FBXO34: variants seen among roughly 807,000 people sequenced by gnomAD.
FBXO34 encodes the protein F-box only protein 34.
Under a neutral mutation model 24.5 loss-of-function variants are expected in FBXO34, and 12 were observed. That is an observed-to-expected ratio of 0.49 (90% CI 0.31 to 0.79). The LOEUF is 0.79. FBXO34 is among the 30% of genes least tolerant of loss of function. The pLI is 0.04. For missense variants in FBXO34, 823 were observed against 857.7 expected, an observed-to-expected ratio of 0.96 and a Z score of 0.51; for synonymous variants, 320 against 311.9, an observed-to-expected ratio of 1.03 and a Z score of -0.27.
At chr14:55,437,107 G>T in the FBXO34 span, 2 of 1,156,950 alleles carry the variant, frequency 1.7e-6, no homozygotes, top group Non-Finnish European at 1.3e-6. Context: ...AGGCAGGCAG[G>T]CAATGTATTC....
chr14:55,279,756 C>G (rs1881470811), intron 1 of FBXO34, among the ~76,000 whole-genome samples: 1 of 152,184 alleles, frequency 6.6e-6, no homozygotes, highest in Non-Finnish European at 1.5e-5. Context: ...GGGCCTACCT[C>G]TGGAGCTGGG....
At chr14:55,384,324 T>G in the FBXO34 span, among the ~76,000 whole-genome samples, 1 of 152,256 alleles carries the variant, frequency 6.6e-6, no homozygotes. Context: ...TTTCCCTGTA[T>G]ACACTTCACT....
At chr14:55,419,485 A>G in the FBXO34 span, among the ~76,000 whole-genome samples, 3 of 152,182 alleles carry the variant, frequency 2.0e-5, no homozygotes, top group Non-Finnish European at 4.4e-5. Flanking sequence ...TTTAAGAAAA[A>G]AACATGGGCC....
At chr14:55,305,283 G>A (rs1018045227) in intron 1 of FBXO34, among the ~76,000 whole-genome samples, 1 of 152,160 alleles carries the variant, frequency 6.6e-6, no homozygotes, top group Non-Finnish European at 1.5e-5. Flanking sequence ...ATGGTGGTGC[G>A]CACCTGTAGT....
chr14:55,298,636 G>T, intron 1 of FBXO34: 1 of 1,397,648 alleles, frequency 7.2e-7, no homozygotes, highest in African/African-American at 1.4e-5. Flanking sequence ...AGGCTGGCGC[G>T]GCGAGCGCTG....
chr14:55,402,959 ATATATATAT>A, the FBXO34 span, among the ~76,000 whole-genome samples: 109 of 76,802 alleles, frequency 1.4e-3, no homozygotes, highest in South Asian at 4.1e-3. Context: ...ATATATATAT[ATATATATAT>A]AAATAGCTGG....
At chr14:55,297,872 T>C (rs1882195073) in intron 1 of FBXO34, among the ~76,000 whole-genome samples, 1 of 152,216 alleles carries the variant, frequency 6.6e-6, no homozygotes, top group South Asian at 2.1e-4. Context: ...TAATCAGAAT[T>C]GTACATCTTA....
chr14:55,369,381 G>GTCTGGGTAGAAAGACCTTCGACCCCTGT (rs1884759106), downstream of FBXO34: 8 of 353,058 alleles, frequency 2.3e-5, no homozygotes, highest in East Asian at 3.1e-4. Context: ...ACCAGCACTG[G>GTCTGGGTAGAAAGACCTTCGACCCCTGT]TCTGGGTAGA....
chr14:55,283,151 A>G (rs993552354), intron 1 of FBXO34, among the ~76,000 whole-genome samples: 8 of 152,218 alleles, frequency 5.3e-5, no homozygotes, highest in African/African-American at 1.7e-4. Flanking sequence ...AGGACTATCA[A>G]AATGTTTCCT....
chr14:55,416,022 G>A, the FBXO34 span, among the ~76,000 whole-genome samples: 1 of 152,286 alleles, frequency 6.6e-6, no homozygotes, highest in Middle Eastern at 3.4e-3. Flanking sequence ...TGTATAAGAA[G>A]TATCCAGAAG....
At chr14:55,345,008 C>T (rs897395512) in intron 1 of FBXO34, among the ~76,000 whole-genome samples, 7 of 152,244 alleles carry the variant, frequency 4.6e-5, no homozygotes, top group South Asian at 2.1e-4. Flanking sequence ...TGATAATAAA[C>T]GGGTAGGGCT....
the FBXO34 span, chr14:55,436,019 GT>G: frequency 1.2e-6 from 1 of 835,656 alleles, no homozygotes; most frequent in Non-Finnish European, 1.8e-6. Context: ...CATTTCTTAG[GT>G]TATACCTTAG....
chr14:55,299,281 G>A, intron 1 of FBXO34: 1 of 731,380 alleles, frequency 1.4e-6, no homozygotes, highest in Non-Finnish European at 2.5e-6. Flanking sequence ...GCGCGGGCAG[G>A]ATGGATGTGG....
the FBXO34 span, among the ~76,000 whole-genome samples, chr14:55,385,641 CT>C: frequency 6.6e-6 from 1 of 152,190 alleles, no homozygotes; most frequent in Non-Finnish European, 1.5e-5. Context: ...CATCTAGAAG[CT>C]CTAGGACAGT....
At chr14:55,382,312 A>G in the FBXO34 span, 2 of 785,154 alleles carry the variant, frequency 2.5e-6, no homozygotes, top group East Asian at 5.4e-5. Flanking sequence ...TTTTACATTA[A>G]ATTTTTATTT....
the FBXO34 span, among the ~76,000 whole-genome samples, chr14:55,440,988 A>G: frequency 6.6e-6 from 1 of 152,144 alleles, no homozygotes; most frequent in Admixed American, 6.5e-5. Context: ...CTGTGATTAC[A>G]GGTACGCACC....
chr14:55,289,889 CTG>C (rs1406840442), intron 1 of FBXO34, among the ~76,000 whole-genome samples: 1 of 152,038 alleles, frequency 6.6e-6, no homozygotes, highest in Non-Finnish European at 1.5e-5. Flanking sequence ...GTAGCATACT[CTG>C]TATACTATTA....
chr14:55,382,285 G>C, the FBXO34 span: 1 of 1,047,726 alleles, frequency 9.5e-7, no homozygotes, highest in Non-Finnish European at 1.4e-6. Context: ...TCGAAAAGCT[G>C]CCTATGAGCA....
rs1884440457 is a variant in FBXO34 at position 55,352,852 on chromosome 14, T to G, written c.*326T>G. 4.1e-6 allele frequency: 1 copy of G among 241,512 alleles called. No individual in the cohort carries two copies. The highest frequency in any genetic ancestry group is 1.3e-4 in the South Asian group (1 of 7,648). The allele number at this position is 241,512 out of a possible 1,614,324, so 15.0% of individuals were successfully genotyped here. A position where few individuals can be genotyped will look rare whatever the true frequency, so the allele number is the denominator to read the frequency against. On this transcript the variant is annotated 3_prime_UTR_variant, in exon 2 of 2. Coordinates refer to ENST00000313833, the MANE Select transcript of FBXO34 (RefSeq NM_017943.4). ...CCACCATCCAGGACATTCAGAAGAGTTCACTGCAGATGCTGCAGGTAGTCC... is the reference window on the plus strand; with the variant it reads ...CCACCATCCAGGACATTCAGAAGAGGTCACTGCAGATGCTGCAGGTAGTCC...
Sources: allele counts gnomAD v4.1 joint callset (sites outside exome capture counted in the v4.1 genomes callset), GRCh38; gene constraint gnomAD v4.1.1; transcripts MANE v1.5; gene names NCBI Gene and HGNC (gene_info 2026-07-23, HGNC 2026-07-21).